Variants in PLD5 observed in about 807,000 individuals in gnomAD.
The protein encoded by PLD5 is phospholipase D family member 5, also known as inactive phospholipase D5.
In PLD5, 36 loss-of-function variants were observed where a neutral mutation model predicts 61.1. That is an observed-to-expected ratio of 0.59 (90% CI 0.45 to 0.78). The LOEUF is 0.78. PLD5 is among the 30% of genes least tolerant of loss of function. PLD5 has a pLI of 0.00. For synonymous variants in PLD5, 243 were observed against 242.8 expected (o/e 1.00, Z -0.01); for missense variants, 515 against 644.4 (o/e 0.80, Z 2.17).
chr1:242,257,086 T>G (rs1172474426), intron 4 of PLD5, among the ~76,000 whole-genome samples: 2 of 104,630 alleles, frequency 1.9e-5, no homozygotes, highest in Non-Finnish European at 4.2e-5. Context: ...CTATCTATCA[T>G]TTATCTATAT....
intron 5 of PLD5, among the ~76,000 whole-genome samples, chr1:242,136,074 T>C (rs1350277198): frequency 2.0e-5 from 3 of 152,178 alleles, no homozygotes; most frequent in Non-Finnish European, 4.4e-5. Context: ...CGTGGGGACA[T>C]ACACAACCTG....
intron 5 of PLD5, among the ~76,000 whole-genome samples, chr1:242,166,610 G>A (rs1042830255): frequency 6.6e-6 from 1 of 152,176 alleles, no homozygotes; most frequent in African/African-American, 2.4e-5. Context: ...GGAAGACACT[G>A]ATTTTATTCA....
At chr1:242,441,686 C>A (rs960875862) in intron 1 of PLD5, among the ~76,000 whole-genome samples, 2 of 151,912 alleles carry the variant, frequency 1.3e-5, no homozygotes, top group Non-Finnish European at 2.9e-5. Flanking sequence ...GAAAAGGAGT[C>A]AGACAGACAC....
At chr1:242,183,446 T>C (rs1209470428) in intron 5 of PLD5, among the ~76,000 whole-genome samples, 1 of 152,086 alleles carries the variant, frequency 6.6e-6, no homozygotes, top group African/African-American at 2.4e-5. Flanking sequence ...TCATGGTGCT[T>C]CCAAAAAGAG....
At chr1:242,402,273 T>C (rs1270958595) in intron 1 of PLD5, among the ~76,000 whole-genome samples, 1 of 151,770 alleles carries the variant, frequency 6.6e-6, no homozygotes. Flanking sequence ...CCAGAAAAAA[T>C]AGAACAAGTA....
chr1:242,178,480 G>T (rs935081009), intron 5 of PLD5: 8 of 152,112 alleles, frequency 5.3e-5, no homozygotes, highest in African/African-American at 1.7e-4. Flanking sequence ...CCATCATAAG[G>T]CTGTATTTTT....
chr1:242,152,203 C>T (rs961083602), intron 5 of PLD5, among the ~76,000 whole-genome samples: 1 of 151,956 alleles, frequency 6.6e-6, no homozygotes, highest in Non-Finnish European at 1.5e-5. Context: ...CCTTCCCTGT[C>T]GCATGGCCTC....
intron 1 of PLD5, among the ~76,000 whole-genome samples, chr1:242,402,526 C>T (rs1478844837): frequency 6.6e-6 from 1 of 152,148 alleles, no homozygotes; most frequent in Non-Finnish European, 1.5e-5. Context: ...ACAATATTTA[C>T]TAATTCATCA....
At chr1:242,376,839 T>G in intron 1 of PLD5, 2 of 1,402,298 alleles carry the variant, frequency 1.4e-6, no homozygotes, top group Non-Finnish European at 1.9e-6. Flanking sequence ...GTTAATTCTA[T>G]TATCCCACTG....
intron 5 of PLD5, among the ~76,000 whole-genome samples, chr1:242,169,958 A>G (rs1430689609): frequency 6.6e-6 from 1 of 152,206 alleles, no homozygotes; most frequent in Non-Finnish European, 1.5e-5. Flanking sequence ...TAAAACCCTC[A>G]TCTCTCTGGG....
At chr1:242,095,085 C>T (rs904164004) in intron 9 of PLD5, among the ~76,000 whole-genome samples, 5 of 151,392 alleles carry the variant, frequency 3.3e-5, no homozygotes, top group Non-Finnish European at 5.9e-5. Context: ...TACAGGTGCC[C>T]GCCACCACGC....
chr1:242,255,677 G>C (rs1388455976), intron 4 of PLD5, among the ~76,000 whole-genome samples: 2 of 152,166 alleles, frequency 1.3e-5, no homozygotes, highest in African/African-American at 2.4e-5. Flanking sequence ...CCTAATCCAT[G>C]AATGTGAAAA....
chr1:242,530,363 C>T, the PLD5 span, among the ~76,000 whole-genome samples: 1 of 152,332 alleles, frequency 6.6e-6, no homozygotes, highest in East Asian at 1.9e-4. Context: ...ACAGATCCAT[C>T]ACATCAACAC....
intron 5 of PLD5, among the ~76,000 whole-genome samples, chr1:242,127,831 C>T (rs989056695): frequency 2.0e-5 from 3 of 151,802 alleles, no homozygotes; most frequent in African/African-American, 7.3e-5. Flanking sequence ...GAAATCAATG[C>T]TATTCAAGCC....
intron 5 of PLD5, among the ~76,000 whole-genome samples, chr1:242,187,547 G>T (rs1041150036): frequency 2.0e-5 from 3 of 152,166 alleles, no homozygotes; most frequent in South Asian, 2.1e-4. Context: ...TATGCAGATA[G>T]AATTTTGGAA....
intron 1 of PLD5, among the ~76,000 whole-genome samples, chr1:242,387,887 G>C (rs1486598721): frequency 3.3e-5 from 5 of 152,158 alleles, no homozygotes; most frequent in Non-Finnish European, 7.4e-5. Flanking sequence ...GTAGTTGACA[G>C]AGACTGAAAA....
intron 5 of PLD5, among the ~76,000 whole-genome samples, chr1:242,146,519 C>A (rs986518026): frequency 6.6e-6 from 1 of 152,122 alleles, no homozygotes; most frequent in African/African-American, 2.4e-5. Context: ...TTCAATTTCC[C>A]CTTCTCAAAT....
chr1:242,254,699 G>A (rs1459317333), intron 4 of PLD5, among the ~76,000 whole-genome samples: 1 of 151,862 alleles, frequency 6.6e-6, no homozygotes, highest in African/African-American at 2.4e-5. Flanking sequence ...CACCACCACT[G>A]AGGCTCAGAG....
At chr1:242,185,398 T>G (rs1667810384) in intron 5 of PLD5, among the ~76,000 whole-genome samples, 1 of 152,202 alleles carries the variant, frequency 6.6e-6, no homozygotes, top group Non-Finnish European at 1.5e-5. Context: ...ATGCATGTAT[T>G]ATTTGGGAGC....
Sources: gnomAD v4.1 joint callset for allele counts (sites outside exome capture counted in the v4.1 genomes callset) on GRCh38, gnomAD v4.1.1 for gene constraint, MANE v1.5 for transcripts, NCBI Gene and HGNC (gene_info 2026-07-23, HGNC 2026-07-21) for gene names.